Variants in C8orf34 observed in about 807,000 individuals in gnomAD.
C8orf34 encodes the protein uncharacterized protein C8orf34.
A neutral mutation model predicts 68.3 loss-of-function variants in C8orf34; 65 were observed. The observed-to-expected ratio is 0.95, with a 90% CI of 0.78 to 1.17. C8orf34 has a LOEUF of 1.17. Among genes scored for constraint, C8orf34 ranks in the 50% most tolerant of loss-of-function variants. The pLI is 0.00. For missense variants in C8orf34, 664 were observed against 655.4 expected (o/e 1.01, Z -0.14); for synonymous variants, 244 against 241.2 (o/e 1.01, Z -0.11).
intron 10 of C8orf34, among the ~76,000 whole-genome samples, chr8:68,738,513 T>C (rs1822186507): frequency 6.6e-6 from 1 of 151,844 alleles, no homozygotes; most frequent in Non-Finnish European, 1.5e-5. Context: ...AGTTGGTTTT[T>C]TGAAAAAATT....
At chr8:68,413,663 G>C (rs1241495628) in intron 1 of C8orf34, among the ~76,000 whole-genome samples, 1 of 152,066 alleles carries the variant, frequency 6.6e-6, no homozygotes, top group Non-Finnish European at 1.5e-5. Context: ...TCATTCTTTA[G>C]CTTGCTTTTA....
chr8:68,479,592 A>T (rs548701892), intron 4 of C8orf34, among the ~76,000 whole-genome samples: 5 of 152,206 alleles, frequency 3.3e-5, no homozygotes, highest in Non-Finnish European at 7.4e-5. Context: ...TGGAGCCAAA[A>T]AAACAAATGG....
At chr8:68,540,091 T>C (rs1031888704) in intron 7 of C8orf34, among the ~76,000 whole-genome samples, 1 of 152,100 alleles carries the variant, frequency 6.6e-6, no homozygotes, top group Admixed American at 6.5e-5. Flanking sequence ...AAATGTCTTA[T>C]GTTCAACAAT....
Position 68,367,590 on chromosome 8 carries a change from T to C in C8orf34, c.327+36251T>C, listed in dbSNP as rs1464046557. On this transcript the variant is annotated intron_variant, in intron 1 of 13. Coordinates refer to ENST00000518698, the MANE Select transcript of C8orf34 (RefSeq NM_052958.4). ...AGCCATAAAAAATGATGAGTTCATG[T>C]CCTTTGTAGGGACATGGATGAAATT... Among the ~76,000 whole-genome samples the C allele has an allele frequency of 3.8e-3, 422 of 110,370 alleles. 2 individuals are homozygous for C. Among genetic ancestry groups the C allele is most frequent in the African/African-American group, 0.014 (393 of 27,514 alleles). 72.4% of individuals were successfully genotyped at this position (110,370 alleles called of 152,430 possible).
intron 12 of C8orf34, chr8:68,792,571 C>CAAAAAAAAAAAAAAAAAAAAAA (rs1162293308): frequency 4.7e-5 from 2 of 42,276 alleles, no homozygotes; most frequent in African/African-American, 1.4e-4. Context: ...GACTCCATCT[C>CAAAAAAAAAAAAAAAAAAAAAA]AAAAAAAAAA....
intron 7 of C8orf34, among the ~76,000 whole-genome samples, chr8:68,620,664 C>T (rs79304018): frequency 1.6e-5 from 2 of 128,452 alleles, no homozygotes; most frequent in East Asian, 2.2e-4. Context: ...ATATCTGTGT[C>T]AAAAAAAAAA....
chr8:68,377,470 G>A (rs1807853552), intron 1 of C8orf34, among the ~76,000 whole-genome samples: 1 of 152,150 alleles, frequency 6.6e-6, no homozygotes, highest in East Asian at 1.9e-4. Flanking sequence ...GGAAGAAAAG[G>A]GAATTGTGGT....
chr8:68,787,692 T>A (rs1823883979), intron 12 of C8orf34, 156 bp downstream of exon 12: 2 of 499,506 alleles, frequency 4.0e-6, no homozygotes, highest in East Asian at 6.3e-5. Flanking sequence ...ATCCTTCAGG[T>A]CTATGTCTTC....
intron 1 of C8orf34, among the ~76,000 whole-genome samples, chr8:68,418,675 C>T (rs1015970982): frequency 2.0e-5 from 3 of 152,072 alleles, no homozygotes; most frequent in Non-Finnish European, 2.9e-5. Flanking sequence ...GGAATAACAC[C>T]GCATATCTAC....
At chr8:68,581,963 T>C (rs1817078688) in intron 7 of C8orf34, among the ~76,000 whole-genome samples, 1 of 152,126 alleles carries the variant, frequency 6.6e-6, no homozygotes, top group East Asian at 1.9e-4. Flanking sequence ...AGGATAGGAA[T>C]TGGCACTCAG....
At chr8:68,701,320 A>G (rs1219043394) in intron 8 of C8orf34, among the ~76,000 whole-genome samples, 2 of 152,086 alleles carry the variant, frequency 1.3e-5, no homozygotes, top group Admixed American at 1.3e-4. Flanking sequence ...AGAGATCTCA[A>G]TTATCTTCAT....
intron 10 of C8orf34, among the ~76,000 whole-genome samples, chr8:68,734,520 G>A (rs1476798226): frequency 6.6e-6 from 1 of 152,120 alleles, no homozygotes; most frequent in Non-Finnish European, 1.5e-5. Context: ...TTCAAATTTT[G>A]CTTGTAGTCT....
In C8orf34 at chr8:68,813,325, A is replaced by G. The variant is rs1394669093; in HGVS notation, c.1550-2561A>G. 2.6e-5 allele frequency among the ~76,000 whole-genome samples: 4 copies of G among 152,112 alleles called. No homozygotes were observed. The East Asian group carries it at 7.7e-4, about 29-fold the overall frequency. ...TAAGTGATTTCCATGCAAGAAAAGC[A>G]TTATGTCAAAGGTTATTTCAGAAAC... is the stretch of plus-strand genomic sequence containing the variant. On this transcript the variant is annotated intron_variant, in intron 12 of 13. Transcript: ENST00000518698.
chr8:68,340,888 C>T (rs549054681), intron 1 of C8orf34, among the ~76,000 whole-genome samples: 1 of 151,988 alleles, frequency 6.6e-6, no homozygotes, highest in Admixed American at 6.6e-5. Flanking sequence ...TGAATATAGA[C>T]ACAAAAAACC....
chr8:68,710,036 G>A (rs1275816628), intron 9 of C8orf34, among the ~76,000 whole-genome samples: 1 of 152,102 alleles, frequency 6.6e-6, no homozygotes, highest in African/African-American at 2.4e-5. Flanking sequence ...AGAAATAATT[G>A]AAACCTTCAG....
At chr8:68,591,299 A>C (rs961551043) in intron 7 of C8orf34, among the ~76,000 whole-genome samples, 1 of 152,178 alleles carries the variant, frequency 6.6e-6, no homozygotes, top group African/African-American at 2.4e-5. Context: ...ATTTAAGAGA[A>C]TATTCAGAAG....
At chr8:68,762,886 C>T (rs755774521) in intron 10 of C8orf34, among the ~76,000 whole-genome samples, 8 of 152,120 alleles carry the variant, frequency 5.3e-5, no homozygotes, top group East Asian at 3.9e-4. Flanking sequence ...TTTTAGACCA[C>T]GAAGGAATGA....
intron 5 of C8orf34, among the ~76,000 whole-genome samples, chr8:68,492,188 C>T (rs1415025381): frequency 1.8e-4 from 27 of 152,114 alleles, no homozygotes; most frequent in Admixed American, 1.5e-3. Context: ...CTAGTATCTA[C>T]CAAATTAAGC....
chr8:68,450,624 CTG>C (rs1811301526), intron 3 of C8orf34, among the ~76,000 whole-genome samples: 1 of 152,064 alleles, frequency 6.6e-6, no homozygotes. Context: ...TCTGGAGTGA[CTG>C]GGTGCATTTT....
Sources: gnomAD v4.1 joint callset for allele counts (sites outside exome capture counted in the v4.1 genomes callset) on GRCh38, gnomAD v4.1.1 for gene constraint, MANE v1.5 for transcripts, NCBI Gene and HGNC (gene_info 2026-07-23, HGNC 2026-07-21) for gene names.